Variants in OSBPL8 observed in about 807,000 individuals in gnomAD.
The protein encoded by OSBPL8 is oxysterol binding protein like 8, also known as oxysterol-binding protein-related protein 8.
In OSBPL8, 59 loss-of-function variants were observed where a neutral mutation model predicts 125.5. The observed-to-expected ratio is 0.47, with a 90% CI of 0.38 to 0.58. The LOEUF is 0.58. OSBPL8 is among the 20% of genes least tolerant of loss of function. The pLI is 0.00. For missense variants in OSBPL8, 758 were observed against 1,047.8 expected, an observed-to-expected ratio of 0.72 and a Z score of 3.82; for synonymous variants, 330 against 338.9, an observed-to-expected ratio of 0.97 and a Z score of 0.29.
At chr12:76,550,588 C>G (rs1385085374) in intron 1 of OSBPL8, among the ~76,000 whole-genome samples, 1 of 152,086 alleles carries the variant, frequency 6.6e-6, no homozygotes, top group Non-Finnish European at 1.5e-5. Context: ...AGCTGATGAG[C>G]TTTAAAAAAC....
In OSBPL8 at chr12:76,487,635, A is replaced by AT; in HGVS notation, c.-67-18dup. The AT allele has an allele frequency of 1.7e-6, 2 of 1,153,494 alleles. No homozygotes were observed. The highest frequency in any genetic ancestry group is 2.4e-6 in the Non-Finnish European group (2 of 821,692). 71.5% of individuals were successfully genotyped at this position (1,153,494 alleles called of 1,614,324 possible). A position where few individuals can be genotyped will look rare whatever the true frequency, so the allele number is the denominator to read the frequency against. On this transcript the variant is annotated splice_polypyrimidine_tract_variant and intron_variant, in intron 1 of 23. Coordinates refer to ENST00000261183, the MANE Select transcript of OSBPL8 (RefSeq NM_020841.5). The stretch of plus-strand genomic sequence containing the variant: ...CTGCAAATCCTAAAATAAGAAAATG[A>AT]TATTTATTAGGACTGGTATAAAACT...
chr12:76,374,343 C>A (rs1952732218), intron 17 of OSBPL8, among the ~76,000 whole-genome samples: 1 of 152,108 alleles, frequency 6.6e-6, no homozygotes, highest in African/African-American at 2.4e-5. Flanking sequence ...TACTCTTCCT[C>A]AAGGAGACCT....
intron 2 of OSBPL8, among the ~76,000 whole-genome samples, chr12:76,472,257 GT>G (rs1272329285): frequency 1.3e-5 from 2 of 152,160 alleles, no homozygotes; most frequent in Non-Finnish European, 2.9e-5. Flanking sequence ...TTTAATATAT[GT>G]AAAATTGGTC....
chr12:76,497,638 G>A (rs915461544), intron 1 of OSBPL8, among the ~76,000 whole-genome samples: 1 of 152,114 alleles, frequency 6.6e-6, no homozygotes, highest in African/African-American at 2.4e-5. Flanking sequence ...TCTTCTCTAC[G>A]TGGTTTTTAT....
At chr12:76,490,842 T>C (rs1878642122) in intron 1 of OSBPL8, among the ~76,000 whole-genome samples, 1 of 152,234 alleles carries the variant, frequency 6.6e-6, no homozygotes, top group Admixed American at 6.5e-5. Flanking sequence ...CACTGTAATA[T>C]GCCCTCTGGG....
intron 2 of OSBPL8, chr12:76,486,096 A>T: frequency 2.5e-6 from 1 of 399,052 alleles, no homozygotes; most frequent in Non-Finnish European, 4.9e-6. Context: ...GAATTTCCAC[A>T]CCCATTTTCT....
chr12:76,497,971 T>C (rs1879454890), intron 1 of OSBPL8, among the ~76,000 whole-genome samples: 1 of 152,256 alleles, frequency 6.6e-6, no homozygotes, highest in African/African-American at 2.4e-5. Flanking sequence ...AGCAACTGTT[T>C]TTGTGTGAAC....
chr12:76,432,167 A>G (rs1223281866), intron 4 of OSBPL8, among the ~76,000 whole-genome samples: 1 of 152,220 alleles, frequency 6.6e-6, no homozygotes, highest in Admixed American at 6.5e-5. Flanking sequence ...TCATTAGGTC[A>G]AAAAGGAATT....
chr12:76,370,713 A>C (rs1952589527), intron 19 of OSBPL8, among the ~76,000 whole-genome samples: 1 of 152,194 alleles, frequency 6.6e-6, no homozygotes, highest in East Asian at 1.9e-4. Context: ...ACATTCTTCC[A>C]TCTTTGACAA....
At chr12:76,441,873 T>C (rs568667749) in intron 4 of OSBPL8, among the ~76,000 whole-genome samples, 4 of 152,236 alleles carry the variant, frequency 2.6e-5, no homozygotes, top group Admixed American at 1.3e-4. Context: ...TAGTATTTGA[T>C]AGCATAACAG....
intron 1 of OSBPL8, among the ~76,000 whole-genome samples, chr12:76,536,750 G>A (rs1950510002): frequency 6.7e-6 from 1 of 149,404 alleles, no homozygotes; most frequent in African/African-American, 2.5e-5. Context: ...GCGGAAAGGA[G>A]CAAGTCATAT....
chr12:76,430,289 C>G (rs1301350946), intron 4 of OSBPL8, among the ~76,000 whole-genome samples: 1 of 152,130 alleles, frequency 6.6e-6, no homozygotes, highest in Non-Finnish European at 1.5e-5. Flanking sequence ...CCACATCCAC[C>G]AATGCCCCAG....
chr12:76,495,005 G>A (rs1879128966), intron 1 of OSBPL8, among the ~76,000 whole-genome samples: 2 of 151,928 alleles, frequency 1.3e-5, no homozygotes, highest in South Asian at 4.1e-4. Flanking sequence ...TAAGCTTCGG[G>A]GCCACTAATT....
intron 22 of OSBPL8, 24 bp from the exon 23 acceptor site, chr12:76,356,752 T>G: frequency 6.8e-7 from 1 of 1,460,926 alleles, no homozygotes; most frequent in African/African-American, 1.4e-5. Context: ...TAGAATGAAG[T>G]TGAAACTATA....
chr12:76,489,128 A>C (rs1878454333), intron 1 of OSBPL8, among the ~76,000 whole-genome samples: 1 of 152,166 alleles, frequency 6.6e-6, no homozygotes, highest in Non-Finnish European at 1.5e-5. Context: ...AAAGCTGCAG[A>C]AGAGAAGTTT....
intron 1 of OSBPL8, among the ~76,000 whole-genome samples, chr12:76,489,440 T>A (rs1878485415): frequency 6.6e-6 from 1 of 152,222 alleles, no homozygotes; most frequent in Non-Finnish European, 1.5e-5. Context: ...AGCTGGTGGT[T>A]TGAAGTTGAA....
In OSBPL8 at chr12:76,537,437, A is replaced by T. The variant is rs1038959471; in HGVS notation, c.-68+21960T>A. ...TGTGCAAACTAACTTAAATCTTAAG[A>T]TTTTGCTTATAGAACAGTGTTTCAT... is the stretch of plus-strand genomic sequence containing the variant. On this transcript the variant is annotated intron_variant, in intron 1 of 23. Transcript: ENST00000261183. Among the ~76,000 whole-genome samples, 34 of 152,308 alleles carry T rather than the reference A, an allele frequency of 2.2e-4. No individual in the cohort carries two copies. The Middle Eastern group carries it at 0.017, about 76-fold the overall frequency.
At chr12:76,389,078 G>C (rs981561467) in intron 12 of OSBPL8, among the ~76,000 whole-genome samples, 2 of 152,068 alleles carry the variant, frequency 1.3e-5, no homozygotes, top group Non-Finnish European at 2.9e-5. Context: ...GAAATTGCTG[G>C]GACAGAGGTG....
chr12:76,473,795 T>C (rs555705903), intron 2 of OSBPL8, among the ~76,000 whole-genome samples: 51 of 152,278 alleles, frequency 3.3e-4, no homozygotes, highest in African/African-American at 1.1e-3. Flanking sequence ...AGACGCAATA[T>C]AGGAAAGTGA....
Sources: gnomAD v4.1 joint callset for allele counts (sites outside exome capture counted in the v4.1 genomes callset) on GRCh38, gnomAD v4.1.1 for gene constraint, MANE v1.5 for transcripts, NCBI Gene and HGNC (gene_info 2026-07-23, HGNC 2026-07-21) for gene names.